Variants in NEB observed in about 807,000 individuals in gnomAD.
The protein encoded by NEB is nemaline myopathy type 2.
NEB carries 512 observed loss-of-function variants against 952.2 expected under a neutral mutation model. That is an observed-to-expected ratio of 0.54 (90% confidence interval 0.50 to 0.58). NEB has a LOEUF of 0.58. NEB is among the 20% of genes least tolerant of loss of function. NEB has a pLI of 0.00. For missense variants in NEB, 8,428 were observed against 9,231.1 expected (o/e 0.91, Z 3.56); for synonymous variants, 2,900 against 3,149.8 (o/e 0.92, Z 2.66).
chr2:151,656,226 A>C lies in NEB; in HGVS notation c.6422T>G (p.Ile2141Ser). 6.2e-7 allele frequency: 1 copy of C among 1,613,092 alleles called. No homozygotes were observed. The highest frequency in any genetic ancestry group is 8.5e-7 in the Non-Finnish European group (1 of 1,179,368). ...ATCTGGAAGGAGGATGTACTTGTGA[A>C]TCAGGTGCTTGTAGTTAGTGTTGGT... is the stretch of plus-strand genomic sequence containing the variant. ...NITNTNYKHL[I>S]HKYILLPDAM... The change falls in exon 49 of 182, where the codon ATT (isoleucine) becomes AGT (serine). Residue 2141 changes from isoleucine (I) to serine (S), a missense_variant. Physicochemically the swap from Ile to Ser is moderately radical, Grantham distance 142. This residue lies in a region of NEB where 2,851 missense variants were observed against 2,791.5 expected (regional missense o/e 1.02). Coordinates refer to ENST00000397345, the MANE Select transcript of NEB (RefSeq NM_001164508.2).
At position 151,525,986 on chromosome 2, in the gene NEB, A is replaced by T; in HGVS notation, c.22133T>A (p.Val7378Asp). ...ACTGACATGCTTGGTCACTTCCTTG[A>T]CGTGAACAGTGTCCCGGGTCTCTGG... is the stretch of plus-strand genomic sequence containing the variant. ...TLPETRDTVH[V>D]KEVTKHVSDT... Residue 7378 changes from valine to aspartate, a missense_variant, in exon 150 of 182, where the codon GTC (valine) becomes GAC (aspartate). This residue lies in a region of NEB where 3,374 missense variants were observed against 3,651.5 expected (regional missense o/e 0.92). Transcript: ENST00000397345. 1 of 1,613,960 alleles carries T rather than the reference A, an allele frequency of 6.2e-7. No individual in the cohort carries two copies. Among genetic ancestry groups the T allele is most frequent in the South Asian group, 1.1e-5 (1 of 91,082 alleles).
intron 10 of NEB, among the ~76,000 whole-genome samples, chr2:151,712,404 T>C (rs1479936730): frequency 6.6e-6 from 1 of 152,204 alleles, no homozygotes; most frequent in Non-Finnish European, 1.5e-5. Flanking sequence ...GAGAGATAGA[T>C]GTCTGGTTTT....
Position 151,501,499 on chromosome 2 carries a change from CAACA to C in NEB, c.23929-20_23929-17del, listed in dbSNP as rs1205054716. The C allele has an allele frequency of 4.2e-6, 6 of 1,422,494 alleles. No homozygotes were observed. In the Admixed American group the frequency reaches 1.5e-4, roughly 35 times the overall value. 88.1% of individuals were successfully genotyped at this position (1,422,494 alleles called of 1,614,324 possible). A position where few individuals can be genotyped will look rare whatever the true frequency, so the allele number is the denominator to read the frequency against. On this transcript the variant is annotated splice_polypyrimidine_tract_variant and intron_variant, in intron 167 of 181. Coordinates refer to ENST00000397345, the MANE Select transcript of NEB (RefSeq NM_001164508.2). ...TGTACAATATCTGTGTGCACAAAAC[CAACA>C]AACAAATCAACCTGGACCCATCATT...
At chr2:151,529,450 G>A (rs944952446) in intron 145 of NEB, 136 bp from the exon 146 acceptor site, 2 of 656,342 alleles carry the variant, frequency 3.0e-6, no homozygotes, top group African/African-American at 1.8e-5. Context: ...AATCTGCTGT[G>A]GAGCAAGGAT....
chr2:151,510,241 G>GT (rs1215056761), intron 161 of NEB, among the ~76,000 whole-genome samples: 2 of 151,994 alleles, frequency 1.3e-5, no homozygotes, highest in Non-Finnish European at 2.9e-5. Flanking sequence ...GGCCTGGGGA[G>GT]TTTTTTTTAG....
chr2:151,659,502 T>C (rs577525536), intron 46 of NEB, among the ~76,000 whole-genome samples: 4 of 152,216 alleles, frequency 2.6e-5, no homozygotes, highest in East Asian at 3.9e-4. Context: ...GTTTTTGCCA[T>C]GTTGCCCAGG....
At position 151,508,049 on chromosome 2, in the gene NEB, GGGT is replaced by G; in HGVS notation, c.23404_23406del (p.Thr7802del). The G allele has an allele frequency of 6.2e-7, 1 of 1,611,192 alleles. No individual in the cohort carries two copies. Among genetic ancestry groups the G allele is most frequent in the Non-Finnish European group, 8.5e-7 (1 of 1,178,630 alleles). ...TTCTCCCGGACTCTCTGTATCTCTG[GGGT>G]GTCCAAAACAGTCTCATAATACGAC... On this transcript the variant is annotated inframe_deletion, in exon 162 of 182. Transcript: ENST00000397345.
Position 151,650,793 on chromosome 2 carries a change from A to G in NEB, c.7008T>C (p.Asn2336=). The change falls in exon 53 of 182, where the codon AAT becomes AAC. Residue 2336 remains asparagine (N), a synonymous_variant. Transcript: ENST00000397345. ...QDDPKLVLSM[N]VAKMQSEREY... ...CTCTTTCACTCTGCATTTTGGCTACATTCATGGACAACACAAGTTTTGGGT... is the reference window on the plus strand; with the variant it reads ...CTCTTTCACTCTGCATTTTGGCTACGTTCATGGACAACACAAGTTTTGGGT... 1 of 1,613,928 alleles carries G rather than the reference A, an allele frequency of 6.2e-7. No individual in the cohort carries two copies. The highest frequency in any genetic ancestry group is 1.1e-5 in the South Asian group (1 of 91,072).
At chr2:151,526,104 G>C in intron 149 of NEB, 36 bp from the exon 150 acceptor site, 1 of 1,611,118 alleles carries the variant, frequency 6.2e-7, no homozygotes, top group Non-Finnish European at 8.5e-7. Context: ...TAAGGCATCT[G>C]CCTGGGGCGT....
rs755521679 is a variant in NEB at position 151,609,851 on chromosome 2, G to C, written c.12288C>G (p.Asn4096Lys). ...AGGCCTTTTTTGCTTGGATAATGTCGTTTTGATCCGGCATGCATGTCCATT... is the reference window on the plus strand; with the variant it reads ...AGGCCTTTTTTGCTTGGATAATGTCCTTTTGATCCGGCATGCATGTCCATT... ...LHEWTCMPDQ[N>K]DIIQAKKAYD... is the part of the protein sequence containing the mutation. The change falls in exon 81 of 182, where the codon AAC becomes AAG. Residue 4096 changes from asparagine (N) to lysine (K), a missense_variant. By Grantham distance (94) the Asn-to-Lys change is moderately conservative (BLOSUM62 0). Around this residue, in one of 11 missense-constraint regions of NEB, gnomAD observed 337 missense variants for 297.5 expected, o/e 1.13. Transcript: ENST00000397345. 6.2e-7 allele frequency: 1 copy of C among 1,606,188 alleles called. No individual in the cohort carries two copies. Among genetic ancestry groups the C allele is most frequent in the African/African-American group, 1.3e-5 (1 of 74,638 alleles).
intron 13 of NEB, among the ~76,000 whole-genome samples, chr2:151,701,197 G>C (rs1400616994): frequency 8.1e-6 from 1 of 123,432 alleles, no homozygotes; most frequent in African/African-American, 2.9e-5. Flanking sequence ...AACCAGCCTT[G>C]CATCCCAGGG....
Position 151,687,489 on chromosome 2 carries a change from A to G in NEB, c.2567T>C (p.Ile856Thr), listed in dbSNP as rs771567277. ...ATCGTCATTAATGCTGAGGGCTCCAATCATTTTCCCTTTGCTCTTTTCATA... is the reference window on the plus strand; with the variant it reads ...ATCGTCATTAATGCTGAGGGCTCCAGTCATTTTCCCTTTGCTCTTTTCATA... ...KDYEKSKGKM[I>T]GALSINDDPK... Residue 856 changes from isoleucine (I) to threonine (T), a missense_variant, in exon 27 of 182, where the codon ATT becomes ACT. Physicochemically the swap from Ile to Thr is moderately conservative, Grantham distance 89. Transcript: ENST00000397345. 29 of 1,613,900 alleles carry G rather than the reference A, an allele frequency of 1.8e-5. No individual in the cohort carries two copies. In the South Asian group the frequency reaches 1.9e-4, roughly 10 times the overall value.
chr2:151,654,169 A>C, intron 51 of NEB, 70 bp from the exon 52 acceptor site: 3 of 907,422 alleles, frequency 3.3e-6, no homozygotes, highest in Non-Finnish European at 4.9e-6. Flanking sequence ...ATTAGGGAAA[A>C]GTTTACCTAC....
intron 161 of NEB, among the ~76,000 whole-genome samples, chr2:151,511,104 A>G (rs192270760): frequency 1.3e-5 from 2 of 152,378 alleles, no homozygotes; most frequent in East Asian, 3.9e-4. Context: ...GGATAGGTCC[A>G]CATGCTGAAG....
rs2099553014 is a variant in NEB, at chr2:151,691,758, C to A, written c.2211+106G>T. On this transcript the variant is annotated intron_variant, in intron 23 of 181. Transcript: ENST00000397345. ...AAACCAAAATGTAAAATGTAATTATCTCCTTCTAATCACTAGATATTAGCA... is the reference window on the plus strand; with the variant it reads ...AAACCAAAATGTAAAATGTAATTATATCCTTCTAATCACTAGATATTAGCA... 3 of 877,892 alleles carry A rather than the reference C, an allele frequency of 3.4e-6. No individual in the cohort carries two copies. The East Asian group carries it at 8.0e-5, about 23-fold the overall frequency. The allele number at this position is 877,892 out of a possible 1,614,324, so 54.4% of individuals were successfully genotyped here.
chr2:151,704,554 A>G (rs372740184), intron 13 of NEB, among the ~76,000 whole-genome samples: 95 of 152,096 alleles, frequency 6.2e-4, no homozygotes, highest in African/African-American at 2.2e-3. Context: ...GCAGGATATA[A>G]TCTCGTGGTG....
intron 109 of NEB, 142 bp downstream of exon 109, chr2:151,569,939 A>G (rs1419511143): frequency 2.4e-6 from 2 of 826,020 alleles, no homozygotes; most frequent in Non-Finnish European, 3.7e-6. Flanking sequence ...TGATTTTGAT[A>G]CCATACTATA....
intron 76 of NEB, 149 bp downstream of exon 76, chr2:151,615,853 T>G (rs986307683): frequency 1.6e-6 from 1 of 643,742 alleles, no homozygotes; most frequent in Non-Finnish European, 2.7e-6. Flanking sequence ...GCTTTTCTTT[T>G]TTTCCATTTA....
At chr2:151,656,132 C>G in intron 49 of NEB, 21 bp downstream of exon 49, 2 of 1,574,780 alleles carry the variant, frequency 1.3e-6, no homozygotes, top group Non-Finnish European at 1.7e-6. Context: ...CAACCATCAC[C>G]CAAGTAGAAG....
Sources: gnomAD v4.1 joint callset for allele counts (sites outside exome capture counted in the v4.1 genomes callset) on GRCh38, gnomAD v4.1.1 for gene constraint, gnomAD v4.1.1 regional missense constraint, MANE v1.5 for transcripts, NCBI Gene and HGNC (gene_info 2026-07-23, HGNC 2026-07-21) for gene names.